ATG101: variants seen among roughly 807,000 people sequenced by gnomAD.
ATG101 encodes the protein autophagy-related protein 101.
A neutral mutation model predicts 16.7 loss-of-function variants in ATG101; 6 were observed. That is an observed-to-expected ratio of 0.36 (90% CI 0.20 to 0.71). The LOEUF (loss-of-function observed/expected upper bound fraction) is 0.71, where lower values mean the gene tolerates loss of function less well. Among genes scored for constraint, ATG101 ranks in the 30% least tolerant of loss-of-function variants. The pLI, the probability that ATG101 is intolerant of heterozygous loss-of-function variation, is 0.57. For missense variants in ATG101, 200 were observed against 292.5 expected (o/e 0.68, Z 2.31); for synonymous variants, 108 against 118.1 (o/e 0.91, Z 0.56).
intron 3 of ATG101, among the ~76,000 whole-genome samples, chr12:52,075,950 A>G (rs374299920): frequency 7.9e-5 from 12 of 152,316 alleles, no homozygotes; most frequent in African/African-American, 2.4e-4. Context: ...GCTTGAGCCC[A>G]GGAATTCGAG....
chr12:52,065,449 C>T (rs2701120), upstream of ATG101, among the ~76,000 whole-genome samples: 3,719 of 152,280 alleles, frequency 0.024, 141 homozygotes, highest in African/African-American at 0.083. Flanking sequence ...ACGTCTTGAT[C>T]ATCAGAGGTA....
At chr12:52,074,492 C>A (rs4762048) in intron 3 of ATG101, among the ~76,000 whole-genome samples, 30,793 of 151,966 alleles carry the variant, frequency 0.2, 4,029 homozygotes, top group East Asian at 0.46. Flanking sequence ...CGTACTTTTA[C>A]ATTTTAAAGT....
In ATG101 at chr12:52,073,890, T is replaced by TGGGGAGTTCAAGGTAAGGGTGTC. The variant is rs143921343; in HGVS notation, c.252+11_252+33dup. 1.2e-5 allele frequency: 19 copies of TGGGGAGTTCAAGGTAAGGGTGTC among 1,613,866 alleles called. 1 individual carries two copies. The highest frequency in any genetic ancestry group is 1.6e-4 in the Middle Eastern group (1 of 6,084). ...TGGATCGTGCCCTGCGCAAGGTTGT[T>TGGGGAGTTCAAGGTAAGGGTGTC]GGGGAGTTCAAGGTAAGGGTGTCGG... On this transcript the variant is annotated frameshift_variant, in exon 3 of 4. Transcript: ENST00000336854. LOFTEE classifies it high-confidence loss of function.
In ATG101 at chr12:52,073,750, A is replaced by T; in HGVS notation, c.100A>T (p.Thr34Ser). 1 of 1,614,238 alleles carries T rather than the reference A, an allele frequency of 6.2e-7. No homozygotes were observed. Among genetic ancestry groups the T allele is most frequent in the Non-Finnish European group, 8.5e-7 (1 of 1,180,044 alleles). The change falls in exon 3 of 4, where the codon ACA (threonine) becomes TCA (serine). Residue 34 changes from threonine (T) to serine (S), a missense_variant. Physicochemically the swap from Thr to Ser is moderately conservative, Grantham distance 58. Transcript: ENST00000336854. ...GCACACGGTGCTTCTGCACCGCAGC[A>T]CAGGCAAGTTCCACTACAAGAAGGA... ...VLHTVLLHRS[T>S]GKFHYKKEGT...
intron 2 of ATG101, among the ~76,000 whole-genome samples, chr12:52,072,881 T>G (rs1314738366): frequency 6.6e-6 from 1 of 152,114 alleles, no homozygotes; most frequent in Non-Finnish European, 1.5e-5. Flanking sequence ...TAAGTTATCC[T>G]CCTGCCTCAG....
chr12:52,076,595 A>G (rs1354280683), intron 3 of ATG101, among the ~76,000 whole-genome samples, 191 bp from the exon 4 acceptor site: 1 of 152,202 alleles, frequency 6.6e-6, no homozygotes, highest in African/African-American at 2.4e-5. Flanking sequence ...TGCTTGAACT[A>G]CACAATTTCA....
intron 2 of ATG101, among the ~76,000 whole-genome samples, chr12:52,073,338 A>G (rs1395691928): frequency 1.3e-5 from 2 of 152,222 alleles, no homozygotes; most frequent in Non-Finnish European, 2.9e-5. Context: ...CACAGTGAGC[A>G]TCTGCTGTAA....
At chr12:52,066,461 G>C (rs568307852), upstream of ATG101, among the ~76,000 whole-genome samples, 22 of 152,204 alleles carry the variant, frequency 1.4e-4, no homozygotes, top group African/African-American at 5.3e-4. Context: ...CAATTCCAAT[G>C]TTAGGCTCAT....
At chr12:52,065,781 G>A (rs960663221), upstream of ATG101, among the ~76,000 whole-genome samples, 1 of 152,160 alleles carries the variant, frequency 6.6e-6, no homozygotes, top group Non-Finnish European at 1.5e-5. Context: ...TACTAGTCAG[G>A]GTTCTCCAGA....
At chr12:52,074,022 G>T in intron 3 of ATG101, 120 bp downstream of exon 3, 1 of 1,407,356 alleles carries the variant, frequency 7.1e-7, no homozygotes, top group Non-Finnish European at 9.7e-7. Context: ...TGCGTGAATC[G>T]GGTTCTTTCA....
chr12:52,069,382 C>A (rs939819957), upstream of ATG101: 1 of 152,302 alleles, frequency 6.6e-6, no homozygotes, highest in Non-Finnish European at 1.5e-5. Flanking sequence ...AAGCCCCTTT[C>A]TCCAGCATCT....
intron 2 of ATG101, among the ~76,000 whole-genome samples, chr12:52,071,936 C>A (rs973863507): frequency 3.9e-5 from 6 of 152,198 alleles, no homozygotes; most frequent in Admixed American, 3.9e-4. Flanking sequence ...TTATAAGGAA[C>A]TTGAAGCTCC....
At position 52,077,319 on chromosome 12, in the gene ATG101, C is replaced by T. The variant is rs1939749255; in HGVS notation, c.*129C>T. The T allele has an allele frequency of 9.0e-7, 1 of 1,108,222 alleles. No homozygotes were observed. The highest frequency in any genetic ancestry group is 1.6e-5 in the South Asian group (1 of 61,668). 68.6% of individuals were successfully genotyped at this position (1,108,222 alleles called of 1,614,324 possible). A position where few individuals can be genotyped will look rare whatever the true frequency, so the allele number is the denominator to read the frequency against. Reference sequence around the variant, plus strand: ...TGAGACTTGGAAGGGGCAGCCCCCGCTGGCTTCTTGGTTTTGTGGTTGCCA... The same window carrying T: ...TGAGACTTGGAAGGGGCAGCCCCCGTTGGCTTCTTGGTTTTGTGGTTGCCA... On this transcript the variant is annotated 3_prime_UTR_variant, in exon 4 of 4. Coordinates refer to ENST00000336854, the MANE Select transcript of ATG101 (RefSeq NM_021934.5).
In ATG101 at chr12:52,070,419, TGAG is replaced by T. The variant is rs967155163; in HGVS notation, c.-129_-127del. On this transcript the variant is annotated 5_prime_UTR_variant, in exon 2 of 4. Transcript: ENST00000336854. ...TACCTGCGGAGGTCGCACCAGGGCG[TGAG>T]GAGGAGGAGGAAGGGCATGAGCCGA... 8 of 152,434 alleles carry T rather than the reference TGAG, an allele frequency of 5.2e-5. No individual in the cohort carries two copies. The highest frequency in any genetic ancestry group is 2.1e-4 in the South Asian group (1 of 4,804). 9.4% of individuals were successfully genotyped at this position (152,434 alleles called of 1,614,324 possible).
At chr12:52,069,621 C>A (rs1312822804), upstream of ATG101, 1 of 152,232 alleles carries the variant, frequency 6.6e-6, no homozygotes, top group Admixed American at 6.5e-5. Context: ...GCCGATGACT[C>A]CGCTCGGCCT....
chr12:52,066,525 CCT>C (rs1416863597), upstream of ATG101, among the ~76,000 whole-genome samples: 2 of 152,164 alleles, frequency 1.3e-5, no homozygotes, highest in Admixed American at 6.5e-5. Flanking sequence ...GTCTAGGTAC[CCT>C]GTGTCCCAGT....
upstream of ATG101, chr12:52,069,752 T>G (rs1251325501): frequency 6.6e-6 from 1 of 151,942 alleles, no homozygotes; most frequent in Non-Finnish European, 1.5e-5. Flanking sequence ...CTCGTCCACA[T>G]GAGGGGGATC....
chr12:52,071,497 A>C (rs1166190554), intron 2 of ATG101: 1 of 152,200 alleles, frequency 6.6e-6, no homozygotes, highest in Non-Finnish European at 1.5e-5. Flanking sequence ...ACTAAAACTA[A>C]AAGTGGTTTG....
At chr12:52,070,306 C>G (rs1194432176) in intron 1 of ATG101, 48 bp from the exon 2 acceptor site, 1 of 152,360 alleles carries the variant, frequency 6.6e-6, no homozygotes, top group African/African-American at 2.4e-5. Flanking sequence ...GCGTCCGTCC[C>G]GAGTCTCTTG....
Sources: allele counts gnomAD v4.1 joint callset (sites outside exome capture counted in the v4.1 genomes callset), GRCh38; gene constraint gnomAD v4.1.1; transcripts MANE v1.5; gene names NCBI Gene and HGNC (gene_info 2026-07-23, HGNC 2026-07-21).